Variants in QTMAN observed in about 807,000 individuals in gnomAD.
QTMAN encodes the protein queuosine-tRNA mannosyltransferase.
chr2:143,948,275 C>T, the QTMAN span, among the ~76,000 whole-genome samples: 2 of 151,884 alleles, frequency 1.3e-5, no homozygotes, highest in Non-Finnish European at 2.9e-5. Context: ...AATTAGTTTC[C>T]GGCAGAACTC....
chr2:144,215,248 T>TA, the QTMAN span, among the ~76,000 whole-genome samples: 111 of 147,648 alleles, frequency 7.5e-4, no homozygotes, highest in African/African-American at 1.2e-3. Flanking sequence ...TCTTTATTTT[T>TA]TAAAAAAAAA....
the QTMAN span, among the ~76,000 whole-genome samples, chr2:144,267,517 C>T: frequency 6.6e-6 from 1 of 152,088 alleles, no homozygotes; most frequent in Non-Finnish European, 1.5e-5. Context: ...GGACAAAAGC[C>T]AGATTGCAAG....
chr2:144,266,919 C>T, the QTMAN span, among the ~76,000 whole-genome samples: 4 of 152,156 alleles, frequency 2.6e-5, no homozygotes, highest in African/African-American at 9.6e-5. Flanking sequence ...AAATGAAGAA[C>T]ATGGGGCAAT....
At chr2:143,979,727 C>T in the QTMAN span, among the ~76,000 whole-genome samples, 1 of 152,140 alleles carries the variant, frequency 6.6e-6, no homozygotes, top group East Asian at 1.9e-4. Flanking sequence ...ATATAGATAT[C>T]TCATTTTAAA....
At chr2:144,057,071 G>C in the QTMAN span, among the ~76,000 whole-genome samples, 1 of 152,100 alleles carries the variant, frequency 6.6e-6, no homozygotes, top group Non-Finnish European at 1.5e-5. Context: ...TCTAATAATG[G>C]CTCTAAAGTA....
chr2:144,275,584 C>T, the QTMAN span, among the ~76,000 whole-genome samples: 1 of 152,040 alleles, frequency 6.6e-6, no homozygotes, highest in African/African-American at 2.4e-5. Context: ...TAGTCTGTTA[C>T]CACCTCAGGT....
chr2:144,017,493 A>C, the QTMAN span, among the ~76,000 whole-genome samples: 2 of 152,286 alleles, frequency 1.3e-5, no homozygotes, highest in East Asian at 3.9e-4. Flanking sequence ...TAAGCATCTA[A>C]TCAAGTCTAA....
the QTMAN span, among the ~76,000 whole-genome samples, chr2:144,073,355 C>A: frequency 6.6e-6 from 1 of 151,846 alleles, no homozygotes; most frequent in South Asian, 2.1e-4. Flanking sequence ...CTGTTTTACT[C>A]TCCTGTGAAA....
the QTMAN span, among the ~76,000 whole-genome samples, chr2:144,070,133 A>G: frequency 1.3e-5 from 2 of 152,230 alleles, no homozygotes; most frequent in Admixed American, 1.3e-4. Flanking sequence ...GAAATTCTCA[A>G]AAATATCTAA....
the QTMAN span, among the ~76,000 whole-genome samples, chr2:144,302,762 C>T: frequency 6.6e-6 from 1 of 152,064 alleles, no homozygotes; most frequent in African/African-American, 2.4e-5. Flanking sequence ...GAACTATAAC[C>T]TAGTAAGAAA....
chr2:144,213,146 C>T, the QTMAN span, among the ~76,000 whole-genome samples: 1 of 152,104 alleles, frequency 6.6e-6, no homozygotes, highest in Non-Finnish European at 1.5e-5. Flanking sequence ...TCACAGAGAA[C>T]AAAAGTAGCC....
At chr2:144,081,657 A>C in the QTMAN span, among the ~76,000 whole-genome samples, 1 of 152,102 alleles carries the variant, frequency 6.6e-6, no homozygotes, top group Non-Finnish European at 1.5e-5. Context: ...GGTGGGGAGG[A>C]AAGAGGAGGG....
At chr2:143,968,053 G>C in the QTMAN span, among the ~76,000 whole-genome samples, 2 of 152,162 alleles carry the variant, frequency 1.3e-5, no homozygotes, top group Non-Finnish European at 2.9e-5. Flanking sequence ...TTGTTGTAGA[G>C]ACCAGCAAAG....
chr2:144,163,820 G>A, the QTMAN span, among the ~76,000 whole-genome samples: 2 of 152,216 alleles, frequency 1.3e-5, no homozygotes, highest in Admixed American at 1.3e-4. Flanking sequence ...GGCCACCTGG[G>A]TGTACCATGG....
chr2:143,981,073 C>T, the QTMAN span, among the ~76,000 whole-genome samples: 2 of 152,196 alleles, frequency 1.3e-5, no homozygotes, highest in South Asian at 4.1e-4. Context: ...TCCCATATCA[C>T]TCTGATTTGC....
the QTMAN span, among the ~76,000 whole-genome samples, chr2:144,223,730 T>C: frequency 2.9e-4 from 44 of 152,238 alleles, no homozygotes; most frequent in African/African-American, 9.9e-4. Context: ...CTCATGACAG[T>C]CTGGAATCTC....
the QTMAN span, among the ~76,000 whole-genome samples, chr2:144,199,328 C>T: frequency 5.3e-5 from 8 of 152,162 alleles, no homozygotes; most frequent in East Asian, 7.7e-4. Context: ...GGATTACAGG[C>T]GTGAGCCACC....
the QTMAN span, among the ~76,000 whole-genome samples, chr2:144,152,862 A>G: frequency 1.3e-5 from 2 of 152,242 alleles, no homozygotes; most frequent in African/African-American, 4.8e-5. Context: ...AATAAAAAAG[A>G]TAAGTAACTG....
At chr2:144,231,304 C>A in the QTMAN span, among the ~76,000 whole-genome samples, 2 of 151,922 alleles carry the variant, frequency 1.3e-5, no homozygotes, top group Non-Finnish European at 2.9e-5. Context: ...ATGTTTGAAA[C>A]CTATATTGAC....
Sources: allele counts gnomAD v4.1 joint callset (sites outside exome capture counted in the v4.1 genomes callset), GRCh38; gene constraint gnomAD v4.1.1; transcripts MANE v1.5; gene names NCBI Gene and HGNC (gene_info 2026-07-23, HGNC 2026-07-21).